Variants in LETM1 observed in about 807,000 individuals in gnomAD.
The protein encoded by LETM1 is mitochondrial proton/calcium exchanger protein.
A neutral mutation model predicts 74.5 loss-of-function variants in LETM1; 50 were observed. The ratio of observed to expected loss-of-function variants is 0.67; its 90% CI spans 0.53 to 0.85. LETM1 has a LOEUF of 0.85. LETM1 is among the 40% of genes least tolerant of loss of function. LETM1 has a pLI of 0.00. For missense variants in LETM1, 824 were observed against 967.8 expected (o/e 0.85, Z 1.97); for synonymous variants, 446 against 407.1 (o/e 1.10, Z -1.15).
chr4:1,829,246 G>A (rs1459328160), intron 6 of LETM1, among the ~76,000 whole-genome samples: 19 of 129,402 alleles, frequency 1.5e-4, no homozygotes, highest in Admixed American at 9.7e-4. Flanking sequence ...CCTCCCGGAC[G>A]GGGCGGCTGG....
chr4:1,835,026 T>C, intron 4 of LETM1, 44 bp from the exon 5 acceptor site: 1 of 1,594,140 alleles, frequency 6.3e-7, no homozygotes, highest in South Asian at 1.1e-5. Context: ...GCTCAGACTG[T>C]GGTTCGGGCA....
intron 2 of LETM1, among the ~76,000 whole-genome samples, chr4:1,845,939 C>T (rs1712869650): frequency 6.6e-6 from 1 of 152,194 alleles, no homozygotes; most frequent in East Asian, 1.9e-4. Flanking sequence ...CTCACGGCAA[C>T]CTCCACCTCC....
intron 2 of LETM1, among the ~76,000 whole-genome samples, chr4:1,844,484 A>C (rs28404110): frequency 0.095 from 14,388 of 152,110 alleles, 2,114 homozygotes; most frequent in African/African-American, 0.32. Flanking sequence ...GTAATCCCAG[A>C]GCTTTGGGAG....
intron 10 of LETM1, among the ~76,000 whole-genome samples, chr4:1,820,146 G>A (rs556383749): frequency 3.3e-5 from 5 of 152,280 alleles, no homozygotes; most frequent in African/African-American, 1.2e-4. Flanking sequence ...ATGTTGCCCA[G>A]GCTGGTCTCA....
chr4:1,838,573 A>T (rs534076764), intron 3 of LETM1, among the ~76,000 whole-genome samples: 1 of 152,286 alleles, frequency 6.6e-6, no homozygotes, highest in South Asian at 2.1e-4. Context: ...GCTACACTGG[A>T]GGCTGAGGTA....
At chr4:1,823,623 G>A (rs200967769) in intron 8 of LETM1, 21 bp downstream of exon 8, 1 of 1,612,600 alleles carries the variant, frequency 6.2e-7, no homozygotes, top group South Asian at 1.1e-5. Flanking sequence ...TGAGGTAAAA[G>A]GGGTCTCCGA....
rs748112551 is a variant in LETM1, at chr4:1,841,328, C to G, written c.594+19G>C. The G allele has an allele frequency of 6.2e-7, 1 of 1,604,740 alleles. No individual in the cohort carries two copies. The highest frequency in any genetic ancestry group is 1.3e-5 in the African/African-American group (1 of 74,798). On this transcript the variant is annotated intron_variant, in intron 3 of 13. Coordinates refer to ENST00000302787, the MANE Select transcript of LETM1 (RefSeq NM_012318.3). ...ATAGAGCAAGAAAGAAAAGAAAGGA[C>G]TAGACATGTCCCCATTACCTGCCTG...
chr4:1,818,805 A>C (rs931397184), intron 11 of LETM1, among the ~76,000 whole-genome samples: 2 of 151,978 alleles, frequency 1.3e-5, no homozygotes, highest in African/African-American at 4.8e-5. Flanking sequence ...AGATGTGGCC[A>C]GGCACGGTGG....
chr4:1,846,148 C>T (rs367753144), intron 2 of LETM1, among the ~76,000 whole-genome samples: 11 of 152,058 alleles, frequency 7.2e-5, no homozygotes, highest in East Asian at 1.9e-4. Context: ...TGAGCCACTG[C>T]GCCCGGCCTC....
chr4:1,854,861 C>G (rs1243956192), intron 1 of LETM1, among the ~76,000 whole-genome samples: 2 of 151,944 alleles, frequency 1.3e-5, no homozygotes, highest in Non-Finnish European at 2.9e-5. Context: ...CAACTTCAAT[C>G]TATCTCTTTG....
chr4:1,832,723 G>T (rs146443643), intron 6 of LETM1, 21 bp downstream of exon 6: 2 of 1,608,714 alleles, frequency 1.2e-6, no homozygotes, highest in Admixed American at 1.7e-5. Context: ...GAGCTGTGGC[G>T]CGGAGTATGG....
intron 6 of LETM1, 143 bp from the exon 7 acceptor site, chr4:1,825,826 A>G (rs1166644433): frequency 4.2e-5 from 40 of 957,616 alleles, no homozygotes; most frequent in Non-Finnish European, 5.9e-5. Context: ...GTTCTAGGTT[A>G]GAAGTGACTG....
At chr4:1,820,006 T>G (rs1345791868) in intron 10 of LETM1, among the ~76,000 whole-genome samples, 1 of 152,320 alleles carries the variant, frequency 6.6e-6, no homozygotes, top group South Asian at 2.1e-4. Context: ...GGTGCAATCA[T>G]GGCTTGCTGC....
rs1560496391 is a variant in LETM1 at position 1,836,575 on chromosome 4, G to A, written c.595-3C>T. ...AGGTCAGCGCAGATCCGGAGAAACT[G>A]GAAGGGGCGGAATCCATCAGAGGGG... On this transcript the variant is annotated splice_polypyrimidine_tract_variant and splice_region_variant and intron_variant, in intron 3 of 13. Coordinates refer to ENST00000302787, the MANE Select transcript of LETM1 (RefSeq NM_012318.3). This position sits in a 1 kb window ranked among gnomAD's most constrained non-coding sequence, Gnocchi z 5.8. 3 of 1,613,732 alleles carry A rather than the reference G, an allele frequency of 1.9e-6. No individual in the cohort carries two copies. The highest frequency in any genetic ancestry group is 1.3e-5 in the African/African-American group (1 of 74,988).
chr4:1,831,495 G>A (rs1712267099), intron 6 of LETM1, among the ~76,000 whole-genome samples: 1 of 152,250 alleles, frequency 6.6e-6, no homozygotes, highest in African/African-American at 2.4e-5. Flanking sequence ...AGTGGTCAAA[G>A]TCCCAACTCT....
chr4:1,850,196 T>C (rs552252400), intron 1 of LETM1, among the ~76,000 whole-genome samples: 108 of 152,270 alleles, frequency 7.1e-4, no homozygotes, highest in Non-Finnish European at 6.8e-4. Context: ...ATCTCTTTTG[T>C]AGAAACCTCT....
chr4:1,815,595 C>T, intron 13 of LETM1, 69 bp downstream of exon 13: 4 of 1,573,128 alleles, frequency 2.5e-6, no homozygotes, highest in Non-Finnish European at 3.5e-6. Flanking sequence ...ATGCAATGAA[C>T]AGTCCCCCTG....
chr4:1,847,218 G>A (rs1712909535), intron 2 of LETM1, among the ~76,000 whole-genome samples: 1 of 151,998 alleles, frequency 6.6e-6, no homozygotes, highest in African/African-American at 2.4e-5. Context: ...GGTAATGCCT[G>A]TAGTCCCAGC....
rs1047473446 is a variant in LETM1, at chr4:1,833,076, T to C, written c.877-129A>G. The C allele has an allele frequency of 1.7e-5, 13 of 754,398 alleles. No homozygotes were observed. In the African/African-American group the frequency reaches 1.8e-4, roughly 10 times the overall value. 46.7% of individuals were successfully genotyped at this position (754,398 alleles called of 1,614,324 possible). On this transcript the variant is annotated intron_variant, in intron 5 of 13. Transcript: ENST00000302787. Reference sequence around the variant, plus strand: ...CTCAAACCACTGACTACTTCTTCTTTTTTTTTTTTGTTTGAGACAGGGTCT... The same window carrying C: ...CTCAAACCACTGACTACTTCTTCTTCTTTTTTTTTGTTTGAGACAGGGTCT...
Sources: allele counts gnomAD v4.1 joint callset (sites outside exome capture counted in the v4.1 genomes callset), GRCh38; gene constraint gnomAD v4.1.1; non-coding constraint Gnocchi (gnomAD v3.1); transcripts MANE v1.5; gene names NCBI Gene and HGNC (gene_info 2026-07-23, HGNC 2026-07-21).